Variants in LARGE1 observed in about 807,000 individuals in gnomAD.
LARGE1 encodes the protein xylosyl- and glucuronyltransferase LARGE1.
LARGE1 carries 43 observed loss-of-function variants against 87.6 expected under a neutral mutation model. The observed-to-expected ratio is 0.49, with a 90% confidence interval of 0.38 to 0.63. The LOEUF is 0.63. Ranked by LOEUF, LARGE1 falls within the 30% of genes least tolerant of loss-of-function variation. The probability of loss-of-function intolerance (pLI) is 0.00; values close to 1 mark genes in which losing one functional copy is unlikely to be tolerated. For synonymous variants in LARGE1, 434 were observed against 394.6 expected (o/e 1.10, Z -1.18); for missense variants, 802 against 1,000.2 (o/e 0.80, Z 2.67).
intron 11 of LARGE1, among the ~76,000 whole-genome samples, chr22:33,242,777 A>G (rs1381912393): frequency 6.6e-6 from 1 of 152,186 alleles, no homozygotes; most frequent in Non-Finnish European, 1.5e-5. Flanking sequence ...ATTGTCTCAC[A>G]GTTCTGGAGC....
At chr22:33,192,850 G>A (rs927072203) in intron 11 of LARGE1, among the ~76,000 whole-genome samples, 1 of 152,014 alleles carries the variant, frequency 6.6e-6, no homozygotes, top group Non-Finnish European at 1.5e-5. Flanking sequence ...TTGTGTATGG[G>A]GTGAGATAAG....
At chr22:33,245,632 GGCATGGTGGCCCATGCCTGTAATCCCA>G (rs1404419498) in intron 11 of LARGE1, among the ~76,000 whole-genome samples, 2 of 152,188 alleles carry the variant, frequency 1.3e-5, no homozygotes, top group Non-Finnish European at 2.9e-5. Context: ...CTCTTGGCCG[GGCATGGTGGCCCATGCCTGTAATCCCA>G]GCACTTTGGG....
At chr22:33,904,782 C>A (rs1167700597) in intron 1 of LARGE1, among the ~76,000 whole-genome samples, 3 of 152,154 alleles carry the variant, frequency 2.0e-5, no homozygotes, top group Non-Finnish European at 4.4e-5. Context: ...TTGAGGCACT[C>A]TGGCATACAC....
chr22:33,857,944 G>A (rs2063801339), intron 1 of LARGE1, among the ~76,000 whole-genome samples: 1 of 152,162 alleles, frequency 6.6e-6, no homozygotes, highest in African/African-American at 2.4e-5. Context: ...CCAAGATCGT[G>A]GCGGGCCGCT....
At chr22:33,259,372 A>T (rs1237038095) in intron 11 of LARGE1, among the ~76,000 whole-genome samples, 2 of 151,944 alleles carry the variant, frequency 1.3e-5, no homozygotes, top group Admixed American at 6.6e-5. Flanking sequence ...ACGGACACAC[A>T]CACACATACA....
intron 10 of LARGE1, 39 bp from the exon 11 acceptor site, chr22:33,316,287 A>T: frequency 6.2e-7 from 1 of 1,606,590 alleles, no homozygotes; most frequent in Non-Finnish European, 8.5e-7. Flanking sequence ...CGTGAAGAAG[A>T]GGTCCGAGGG....
the LARGE1 span, among the ~76,000 whole-genome samples, chr22:33,074,115 A>C: frequency 6.6e-6 from 1 of 152,106 alleles, no homozygotes. Flanking sequence ...ATCAGCTGAG[A>C]TGTAGCTCAG....
At chr22:33,408,019 C>T (rs565007344) in intron 7 of LARGE1, among the ~76,000 whole-genome samples, 9 of 140,562 alleles carry the variant, frequency 6.4e-5, no homozygotes, top group African/African-American at 1.6e-4. Flanking sequence ...CTTTTTCTGT[C>T]GCCCAGGCTG....
At position 33,795,704 on chromosome 22, in the gene LARGE1, G is replaced by A. The variant is rs141892785; in HGVS notation, c.-82-34146C>T. ...CCTAAAAAAGGATGCGTTCAGGGAC[G>A]TGGATGAAGCTAGAAACCATCATTC... On this transcript the variant is annotated intron_variant, in intron 1 of 14. Coordinates refer to ENST00000397394, the MANE Select transcript of LARGE1 (RefSeq NM_133642.5). 4.3e-3 allele frequency among the ~76,000 whole-genome samples: 655 copies of A among 152,188 alleles called. 2 individuals carry two copies. Among genetic ancestry groups the A allele is most frequent in the African/African-American group, 0.014 (596 of 41,518 alleles).
intron 10 of LARGE1, among the ~76,000 whole-genome samples, chr22:33,326,923 C>G (rs1301626784): frequency 6.6e-6 from 1 of 152,192 alleles, no homozygotes; most frequent in Non-Finnish European, 1.5e-5. Context: ...TCCCTTCACC[C>G]CCTCTCTCTG....
intron 2 of LARGE1, chr22:33,746,388 A>G (rs1266126660): frequency 6.6e-6 from 1 of 152,234 alleles, no homozygotes; most frequent in African/African-American, 2.4e-5. Context: ...GCACTTCAAG[A>G]TTCATTGAGC....
chr22:33,254,935 ATT>A (rs11363318), intron 11 of LARGE1, among the ~76,000 whole-genome samples: 71 of 128,214 alleles, frequency 5.5e-4, no homozygotes, highest in African/African-American at 7.9e-4. Context: ...CTACCTGTAG[ATT>A]TTTTTTTTTT....
intron 6 of LARGE1, among the ~76,000 whole-genome samples, chr22:33,559,871 T>A (rs2077802915): frequency 6.6e-6 from 1 of 152,190 alleles, no homozygotes; most frequent in South Asian, 2.1e-4. Context: ...CACTTTTCTA[T>A]GCTAATTTTG....
chr22:33,747,154 T>C (rs2084118482), intron 2 of LARGE1, among the ~76,000 whole-genome samples: 1 of 152,194 alleles, frequency 6.6e-6, no homozygotes, highest in Non-Finnish European at 1.5e-5. Flanking sequence ...CAGGTTCCTC[T>C]GAACTTTGAT....
At chr22:33,457,900 T>G (rs538818589) in intron 6 of LARGE1, among the ~76,000 whole-genome samples, 1 of 152,086 alleles carries the variant, frequency 6.6e-6, no homozygotes, top group African/African-American at 2.4e-5. Flanking sequence ...GACACAACCT[T>G]AGTTTCAAAT....
At chr22:33,263,928 T>G (rs1454061640) in intron 11 of LARGE1, among the ~76,000 whole-genome samples, 1 of 152,234 alleles carries the variant, frequency 6.6e-6, no homozygotes, top group Non-Finnish European at 1.5e-5. Flanking sequence ...TACTTACTGT[T>G]ATGACTTTGG....
chr22:33,410,354 T>G (rs1002307586), intron 7 of LARGE1, among the ~76,000 whole-genome samples: 1 of 152,036 alleles, frequency 6.6e-6, no homozygotes, highest in Non-Finnish European at 1.5e-5. Flanking sequence ...CCAAATCGCA[T>G]CTTGAATTGT....
chr22:33,661,925 C>G (rs1343077881), intron 2 of LARGE1, among the ~76,000 whole-genome samples: 1 of 151,898 alleles, frequency 6.6e-6, no homozygotes, highest in Admixed American at 6.6e-5. Flanking sequence ...CCATGAATGT[C>G]TTGGGACTGT....
intron 7 of LARGE1, among the ~76,000 whole-genome samples, chr22:33,421,245 TAAAG>T (rs1275186586): frequency 3.3e-5 from 5 of 149,812 alleles, no homozygotes; most frequent in Admixed American, 2.0e-4. Context: ...AATCAATCAA[TAAAG>T]GAGTGGGAAA....
Sources: gnomAD v4.1 joint callset for allele counts (sites outside exome capture counted in the v4.1 genomes callset) on GRCh38, gnomAD v4.1.1 for gene constraint, MANE v1.5 for transcripts, NCBI Gene and HGNC (gene_info 2026-07-23, HGNC 2026-07-21) for gene names.